Variants in LRMDA observed in about 807,000 individuals in gnomAD.
LRMDA encodes leucine-rich melanocyte differentiation-associated protein.
LRMDA carries 18 observed loss-of-function variants against 29.8 expected under a neutral mutation model. That is an observed-to-expected ratio of 0.60 (90% CI 0.42 to 0.90). The LOEUF is 0.90. Ranked by LOEUF, LRMDA falls within the 40% of genes least tolerant of loss-of-function variation. The pLI is 0.00. For synonymous variants in LRMDA, 125 were observed against 109.4 expected (o/e 1.14, Z -0.89); for missense variants, 273 against 273.9 (o/e 1.00, Z 0.02).
chr10:76,025,043 A>G (rs1295395575), intron 2 of LRMDA, among the ~76,000 whole-genome samples: 3 of 152,110 alleles, frequency 2.0e-5, no homozygotes, highest in Admixed American at 2.0e-4. Flanking sequence ...AACCCGCCAA[A>G]CAAACTCACT....
chr10:76,539,319 C>T (rs571893952), intron 6 of LRMDA, among the ~76,000 whole-genome samples: 2 of 152,142 alleles, frequency 1.3e-5, no homozygotes, highest in Non-Finnish European at 2.9e-5. Context: ...ATGTGAGGTA[C>T]TCACAGCACA....
intron 5 of LRMDA, among the ~76,000 whole-genome samples, chr10:76,127,159 A>T (rs1476735182): frequency 6.6e-6 from 1 of 152,230 alleles, no homozygotes; most frequent in Non-Finnish European, 1.5e-5. Context: ...TTGTGCAAGT[A>T]GAAATAAGGT....
chr10:75,832,848 C>T (rs1249869172), intron 2 of LRMDA, among the ~76,000 whole-genome samples: 2 of 152,184 alleles, frequency 1.3e-5, no homozygotes, highest in African/African-American at 4.8e-5. Context: ...GAGACCCATT[C>T]ACTATCACGA....
chr10:75,947,273 T>A (rs1846492125), intron 2 of LRMDA, among the ~76,000 whole-genome samples: 1 of 152,212 alleles, frequency 6.6e-6, no homozygotes, highest in Non-Finnish European at 1.5e-5. Flanking sequence ...TCTGGCCTTT[T>A]TCTTTGGGTG....
chr10:76,217,459 G>C (rs990708971), intron 5 of LRMDA, among the ~76,000 whole-genome samples: 1 of 152,006 alleles, frequency 6.6e-6, no homozygotes, highest in East Asian at 1.9e-4. Flanking sequence ...GAACCTGGCT[G>C]GGGGGGAATG....
chr10:76,121,917 A>G (rs1286661856), intron 5 of LRMDA, among the ~76,000 whole-genome samples: 1 of 152,200 alleles, frequency 6.6e-6, no homozygotes, highest in Non-Finnish European at 1.5e-5. Flanking sequence ...GGTATGTGCC[A>G]GGTACTGTTC....
At chr10:75,833,287 A>G (rs1481891040) in intron 2 of LRMDA, among the ~76,000 whole-genome samples, 6 of 152,350 alleles carry the variant, frequency 3.9e-5, no homozygotes, top group African/African-American at 1.4e-4. Context: ...GCAACCACGT[A>G]TTAAAGCCTG....
chr10:76,468,222 A>G (rs915276066), intron 6 of LRMDA, among the ~76,000 whole-genome samples: 2 of 152,234 alleles, frequency 1.3e-5, no homozygotes, highest in South Asian at 4.1e-4. Context: ...TAAATAGAAT[A>G]TATGTCACCA....
rs1843113210 is a variant in LRMDA, at chr10:76,521,000, T to C, written c.602-36209T>C. The stretch of plus-strand genomic sequence containing the variant: ...TTTCTATAATATTAACTCCCTATTA[T>C]GAATTATATATATTTCCTTGCAGTA... On this transcript the variant is annotated intron_variant, in intron 6 of 6. Coordinates refer to ENST00000611255, the MANE Select transcript of LRMDA (RefSeq NM_001305581.2). Among the ~76,000 whole-genome samples the C allele has an allele frequency of 3.3e-5, 5 of 152,302 alleles. No homozygotes were observed. In the South Asian group the frequency reaches 6.2e-4, roughly 19 times the overall value.
chr10:76,465,028 A>G (rs972808334), intron 6 of LRMDA: 9 of 152,302 alleles, frequency 5.9e-5, no homozygotes, highest in South Asian at 4.1e-4. Flanking sequence ...GCTTATAGAC[A>G]TAACTGCTTC....
At chr10:76,228,787 A>G (rs534556833) in intron 5 of LRMDA, among the ~76,000 whole-genome samples, 2 of 152,334 alleles carry the variant, frequency 1.3e-5, no homozygotes, top group Non-Finnish European at 2.9e-5. Context: ...GCTGACAATC[A>G]TTTATGCCTG....
At chr10:75,641,469 ATAGT>A (rs1038409688) in intron 2 of LRMDA, among the ~76,000 whole-genome samples, 7 of 151,808 alleles carry the variant, frequency 4.6e-5, no homozygotes, top group Non-Finnish European at 8.8e-5. Flanking sequence ...TTTAATAAAG[ATAGT>A]TCATTAAATA....
intron 2 of LRMDA, among the ~76,000 whole-genome samples, chr10:75,855,637 G>C (rs934573060): frequency 2.0e-5 from 3 of 152,092 alleles, no homozygotes; most frequent in Non-Finnish European, 4.4e-5. Context: ...GAAGTCCTTG[G>C]CCATGCCTCT....
chr10:76,398,264 C>T (rs934016494), intron 6 of LRMDA, among the ~76,000 whole-genome samples: 7 of 152,144 alleles, frequency 4.6e-5, no homozygotes, highest in Middle Eastern at 3.2e-3. Context: ...AAGACACTGA[C>T]GTCCCCCTCC....
At chr10:76,390,278 A>G (rs532365955) in intron 6 of LRMDA, among the ~76,000 whole-genome samples, 64 of 152,220 alleles carry the variant, frequency 4.2e-4, no homozygotes, top group Non-Finnish European at 2.9e-5. Context: ...AGCCATTTGT[A>G]TACTTTCTTT....
intron 5 of LRMDA, among the ~76,000 whole-genome samples, chr10:76,210,267 G>C (rs532435214): frequency 1.3e-5 from 2 of 152,154 alleles, no homozygotes; most frequent in Admixed American, 6.5e-5. Context: ...ACTACAACAA[G>C]CAGGGGGTGG....
At chr10:76,042,518 C>T (rs1848358754) in intron 3 of LRMDA, among the ~76,000 whole-genome samples, 1 of 152,044 alleles carries the variant, frequency 6.6e-6, no homozygotes, top group African/African-American at 2.4e-5. Flanking sequence ...AGGGAGCCCT[C>T]TTAAATACTA....
intron 2 of LRMDA, among the ~76,000 whole-genome samples, chr10:75,830,095 C>T (rs550942424): frequency 6.6e-6 from 1 of 152,180 alleles, no homozygotes; most frequent in African/African-American, 2.4e-5. Context: ...AGCCACTTAC[C>T]TGCTTATGAG....
chr10:76,546,139 A>G (rs775461568), intron 6 of LRMDA, among the ~76,000 whole-genome samples: 1 of 152,216 alleles, frequency 6.6e-6, no homozygotes, highest in Non-Finnish European at 1.5e-5. Context: ...CAGAATAAGT[A>G]TGCTGAGATC....
Sources: allele counts gnomAD v4.1 joint callset (sites outside exome capture counted in the v4.1 genomes callset), GRCh38; gene constraint gnomAD v4.1.1; transcripts MANE v1.5; gene names NCBI Gene and HGNC (gene_info 2026-07-23, HGNC 2026-07-21).